COL15A1: variants seen among roughly 807,000 people sequenced by gnomAD.
The protein encoded by COL15A1 is collagen alpha-1(XV) chain.
A neutral mutation model predicts 165.9 loss-of-function variants in COL15A1; 111 were observed. The observed-to-expected ratio is 0.67, with a 90% confidence interval of 0.57 to 0.78. The LOEUF (loss-of-function observed/expected upper bound fraction) is 0.78, where lower values mean the gene tolerates loss of function less well. COL15A1 is among the 30% of genes least tolerant of loss of function. The pLI, the probability that COL15A1 is intolerant of heterozygous loss-of-function variation, is 0.00. For missense variants in COL15A1, 1,745 were observed against 1,789.7 expected (o/e 0.98, Z 0.45); for synonymous variants, 659 against 674.8 (o/e 0.98, Z 0.36).
At chr9:99,019,931 C>CTCTTT (rs1210023221) in intron 11 of COL15A1, among the ~76,000 whole-genome samples, 2 of 152,164 alleles carry the variant, frequency 1.3e-5, no homozygotes, top group Non-Finnish European at 2.9e-5. Flanking sequence ...GTTTTCTGCA[C>CTCTTT]TGTTTACAAC....
At chr9:98,989,712 G>C (rs1838383175) in intron 5 of COL15A1, among the ~76,000 whole-genome samples, 2 of 152,186 alleles carry the variant, frequency 1.3e-5, no homozygotes, top group Admixed American at 6.5e-5. Flanking sequence ...CTGAACGATG[G>C]CTCTTGTTAT....
At chr9:98,957,301 C>T (rs1837792917) in intron 2 of COL15A1, among the ~76,000 whole-genome samples, 1 of 152,188 alleles carries the variant, frequency 6.6e-6, no homozygotes, top group South Asian at 2.1e-4. Context: ...CTGGAAGCTG[C>T]AAAAGGCAAG....
chr9:99,059,796 G>GTTGA, intron 35 of COL15A1, 93 bp from the exon 36 acceptor site: 1 of 1,418,460 alleles, frequency 7.0e-7, no homozygotes. Context: ...TGTGAATGGG[G>GTTGA]TTGAACACAC....
intron 38 of COL15A1, among the ~76,000 whole-genome samples, 156 bp downstream of exon 38, chr9:99,062,460 G>A (rs1477582229): frequency 2.6e-5 from 4 of 152,202 alleles, no homozygotes; most frequent in African/African-American, 7.2e-5. Context: ...GTGCTAACAG[G>A]AGGTTCCCAC....
chr9:98,953,849 A>G (rs1327744159), intron 2 of COL15A1, among the ~76,000 whole-genome samples: 1 of 152,188 alleles, frequency 6.6e-6, no homozygotes, highest in Non-Finnish European at 1.5e-5. Flanking sequence ...GTCTTTTGTG[A>G]CTAGCTTCCT....
chr9:98,977,532 G>A (rs1291266870), intron 2 of COL15A1, among the ~76,000 whole-genome samples: 6 of 152,362 alleles, frequency 3.9e-5, no homozygotes, highest in East Asian at 3.9e-4. Context: ...CCCCTACCAC[G>A]CCATGCCATG....
At position 99,035,388 on chromosome 9, in the gene COL15A1, A is replaced by T; in HGVS notation, c.2259A>T (p.Glu753Asp). 1 of 1,614,186 alleles carries T rather than the reference A, an allele frequency of 6.2e-7. No individual in the cohort carries two copies. Among genetic ancestry groups the T allele is most frequent in the Non-Finnish European group, 8.5e-7 (1 of 1,180,030 alleles). Residue 753 changes from glutamate to aspartate, a missense_variant, in exon 19 of 42, where the codon GAA (glutamate) becomes GAT (aspartate). By Grantham distance (45) the Glu-to-Asp change is conservative. Transcript: ENST00000375001. Reference protein sequence around the residue: ...EGSGSTQLLNEPKLSRPTAAI... With the variant: ...EGSGSTQLLNDPKLSRPTAAI... ...CTGGAAGCACCCAGCTATTGAATGA[A>T]CCCAAACTCTCCAGACCAACGGCTG... is the stretch of plus-strand genomic sequence containing the variant.
chr9:98,987,154 G>A lies in COL15A1; in HGVS notation c.649-140G>A, dbSNP rs373634636. ...GTGGGCCAAGAGGTGGCCTGGCTTCGTGGTTGAGACTGCAGGCTGTACATC... is the reference window on the plus strand; with the variant it reads ...GTGGGCCAAGAGGTGGCCTGGCTTCATGGTTGAGACTGCAGGCTGTACATC... On this transcript the variant is annotated intron_variant, in intron 3 of 41. Transcript: ENST00000375001. 6.1e-5 allele frequency: 48 copies of A among 785,488 alleles called. 1 individual carries two copies. The highest frequency in any genetic ancestry group is 5.6e-4 in the South Asian group (35 of 62,202). The allele number at this position is 785,488 out of a possible 1,614,324, so 48.7% of individuals were successfully genotyped here.
At chr9:99,010,713 G>A (rs567497161) in intron 9 of COL15A1, among the ~76,000 whole-genome samples, 4 of 152,336 alleles carry the variant, frequency 2.6e-5, no homozygotes, top group East Asian at 3.9e-4. Flanking sequence ...AGTTGGTCAC[G>A]TCCCATGGGC....
Position 99,003,488 on chromosome 9 carries a change from G to A in COL15A1, c.1101G>A (p.Val367=), listed in dbSNP as rs774960858. 6.5e-7 allele frequency: 1 copy of A among 1,549,508 alleles called. No individual in the cohort carries two copies. The highest frequency in any genetic ancestry group is 8.7e-7 in the Non-Finnish European group (1 of 1,147,166). ...CAACAGCAGCGGGGCTGGCCGAGGTGCCCATCAGCACTGCTGGAGAAGCAG... is the reference window on the plus strand; with the variant it reads ...CAACAGCAGCGGGGCTGGCCGAGGTACCCATCAGCACTGCTGGAGAAGCAG... ...LAATAAGLAE[V]PISTAGEAEA... is the part of the protein sequence containing the mutation. The change falls in exon 8 of 42, where the codon GTG becomes GTA. Residue 367 remains valine, a synonymous_variant. Transcript: ENST00000375001.
intron 39 of COL15A1, among the ~76,000 whole-genome samples, chr9:99,064,363 A>G (rs1399347063): frequency 1.3e-5 from 2 of 152,112 alleles, no homozygotes; most frequent in African/African-American, 2.4e-5. Flanking sequence ...TTGTGGGGGC[A>G]TTTTCTATTG....
chr9:99,034,724 G>A, intron 17 of COL15A1, 140 bp downstream of exon 17: 1 of 1,422,424 alleles, frequency 7.0e-7, no homozygotes, highest in Non-Finnish European at 9.3e-7. Flanking sequence ...CATCTCAAAG[G>A]AATTGCTCAG....
chr9:99,014,762 A>T (rs560434979), intron 9 of COL15A1, among the ~76,000 whole-genome samples: 1 of 152,346 alleles, frequency 6.6e-6, no homozygotes, highest in African/African-American at 2.4e-5. Context: ...TATGCATTTT[A>T]GGGAGACATG....
chr9:99,068,835 A>G (rs1825938103), intron 41 of COL15A1, among the ~76,000 whole-genome samples, 165 bp downstream of exon 41: 1 of 152,138 alleles, frequency 6.6e-6, no homozygotes, highest in Non-Finnish European at 1.5e-5. Context: ...GAGTCAGAAG[A>G]CCCAGGTCCA....
chr9:99,047,559 T>C (rs561563923), intron 26 of COL15A1, among the ~76,000 whole-genome samples: 1 of 152,238 alleles, frequency 6.6e-6, no homozygotes, highest in East Asian at 1.9e-4. Flanking sequence ...GGTTGGAGCC[T>C]GCAGGAAAGC....
At chr9:98,992,564 G>A (rs1838460956) in intron 5 of COL15A1, among the ~76,000 whole-genome samples, 1 of 152,262 alleles carries the variant, frequency 6.6e-6, no homozygotes, top group Non-Finnish European at 1.5e-5. Flanking sequence ...CAGTGCAGTG[G>A]TGGGCTGAAG....
chr9:99,016,201 G>A (rs1838932840), intron 11 of COL15A1, 82 bp downstream of exon 11: 2 of 1,473,316 alleles, frequency 1.4e-6, no homozygotes, highest in South Asian at 2.8e-5. Flanking sequence ...GGGAAGGGCT[G>A]GCCCCCAGCT....
rs548762100 is a variant in COL15A1, at chr9:99,045,326, G to T, written c.2679+556G>T. Among the ~76,000 whole-genome samples, 16 of 152,312 alleles carry T rather than the reference G, an allele frequency of 1.1e-4. No homozygotes were observed. In the South Asian group the frequency reaches 2.5e-3, roughly 24 times the overall value. Reference sequence around the variant, plus strand: ...CCCACAAAACCTCTCTGGGATTTTTGATTCTGGTTGTGAATATGCCACTCA... The same window carrying T: ...CCCACAAAACCTCTCTGGGATTTTTTATTCTGGTTGTGAATATGCCACTCA... On this transcript the variant is annotated intron_variant, in intron 26 of 41. Transcript: ENST00000375001.
chr9:98,981,138 T>C (rs951045045), intron 2 of COL15A1, among the ~76,000 whole-genome samples: 4 of 152,170 alleles, frequency 2.6e-5, no homozygotes, highest in African/African-American at 9.7e-5. Flanking sequence ...AGCTTATTTA[T>C]ACCATAGAGT....
Sources: gnomAD v4.1 joint callset for allele counts (sites outside exome capture counted in the v4.1 genomes callset) on GRCh38, gnomAD v4.1.1 for gene constraint, MANE v1.5 for transcripts, NCBI Gene and HGNC (gene_info 2026-07-23, HGNC 2026-07-21) for gene names.